IFT81: variants seen among roughly 807,000 people sequenced by gnomAD.
IFT81 encodes the protein intraflagellar transport 81, also known as intraflagellar transport protein 81 homolog.
Under a neutral mutation model 102.6 loss-of-function variants are expected in IFT81, and 72 were observed. The observed-to-expected ratio is 0.70, with a 90% CI of 0.58 to 0.85. The LOEUF is 0.85. IFT81 is among the 40% of genes least tolerant of loss of function. The pLI is 0.00. For synonymous variants in IFT81, 237 were observed against 242.7 expected (o/e 0.98, Z 0.22); for missense variants, 723 against 787.3 (o/e 0.92, Z 0.98).
At chr12:110,165,509 G>A (rs554243237) in intron 11 of IFT81, among the ~76,000 whole-genome samples, 1 of 152,094 alleles carries the variant, frequency 6.6e-6, no homozygotes, top group Non-Finnish European at 1.5e-5. Context: ...ATAATTAGTG[G>A]CATGGTGTTT....
chr12:110,189,148 C>T (rs1489175890), intron 12 of IFT81, among the ~76,000 whole-genome samples: 1 of 151,926 alleles, frequency 6.6e-6, no homozygotes, highest in Non-Finnish European at 1.5e-5. Context: ...TTGCTGATTT[C>T]TTATCATTTC....
intron 11 of IFT81, among the ~76,000 whole-genome samples, chr12:110,166,498 G>A (rs1404166525): frequency 1.3e-5 from 2 of 151,944 alleles, no homozygotes; most frequent in Non-Finnish European, 2.9e-5. Flanking sequence ...CCACAGAACT[G>A]TATACTTAAA....
rs565043301 is a variant in IFT81 at position 110,135,497 on chromosome 12, A to C, written c.696+60A>C. On this transcript the variant is annotated intron_variant, in intron 7 of 18. Coordinates refer to ENST00000242591, the MANE Select transcript of IFT81 (RefSeq NM_014055.4). ...GGAAATAGTTCCTTCTCATAATCCA[A>C]ATGTAAAGAAAAGAGTTTTAAAATT... 10 of 973,790 alleles carry C rather than the reference A, an allele frequency of 1.0e-5. No homozygotes were observed. The African/African-American group carries it at 1.5e-4, about 14-fold the overall frequency. 60.3% of individuals were successfully genotyped at this position (973,790 alleles called of 1,614,324 possible). A position where few individuals can be genotyped will look rare whatever the true frequency, so the allele number is the denominator to read the frequency against.
intron 14 of IFT81, among the ~76,000 whole-genome samples, chr12:110,200,080 G>A (rs915786376): frequency 1.3e-5 from 2 of 152,168 alleles, no homozygotes; most frequent in African/African-American, 4.8e-5. Context: ...TTTTGGTCCT[G>A]TTAATTTCTT....
At chr12:110,210,793 A>G (rs79711304) in intron 18 of IFT81, among the ~76,000 whole-genome samples, 3,201 of 152,132 alleles carry the variant, frequency 0.021, 139 homozygotes, top group African/African-American at 0.073. Context: ...TTTAACAATA[A>G]TTATGTTGTT....
At chr12:110,205,717 TATTTTCACCA>T in intron 17 of IFT81, 37 bp downstream of exon 17, 3 of 1,296,466 alleles carry the variant, frequency 2.3e-6, no homozygotes, top group Non-Finnish European at 3.2e-6. Flanking sequence ...AGATACTTAA[TATTTTCACCA>T]ATAAAAGTTT....
chr12:110,151,519 G>A (rs1241936178), intron 10 of IFT81, among the ~76,000 whole-genome samples: 1 of 151,846 alleles, frequency 6.6e-6, no homozygotes, highest in Non-Finnish European at 1.5e-5. Context: ...GTGGATATAT[G>A]GGATTTTAAA....
intron 9 of IFT81, among the ~76,000 whole-genome samples, chr12:110,145,613 T>A (rs1412883351): frequency 1.3e-5 from 2 of 151,468 alleles, no homozygotes; most frequent in Non-Finnish European, 2.9e-5. Flanking sequence ...ATTTTTGTAT[T>A]TTTAGTAGAG....
intron 11 of IFT81, among the ~76,000 whole-genome samples, chr12:110,174,300 A>T (rs553448232): frequency 0.025 from 3,597 of 146,446 alleles, 58 homozygotes; most frequent in African/African-American, 0.03. Context: ...AAAAAAAAAA[A>T]AAAAAAATTA....
intron 18 of IFT81, among the ~76,000 whole-genome samples, chr12:110,214,030 A>C (rs1238182888): frequency 6.6e-6 from 1 of 152,194 alleles, no homozygotes; most frequent in South Asian, 2.1e-4. Flanking sequence ...TATATCAAAG[A>C]AAATAAATAA....
chr12:110,174,914 G>A (rs1813712723), intron 11 of IFT81, among the ~76,000 whole-genome samples: 1 of 152,206 alleles, frequency 6.6e-6, no homozygotes, highest in Non-Finnish European at 1.5e-5. Flanking sequence ...CCAAATGCAC[G>A]CAGAGATAAA....
chr12:110,175,857 C>G (rs1897014269), intron 11 of IFT81, among the ~76,000 whole-genome samples: 1 of 151,988 alleles, frequency 6.6e-6, no homozygotes, highest in African/African-American at 2.4e-5. Context: ...CTCTGTTGCC[C>G]AGTATCTTCT....
At chr12:110,142,600 A>G (rs1015929792) in intron 8 of IFT81, among the ~76,000 whole-genome samples, 2 of 151,994 alleles carry the variant, frequency 1.3e-5, no homozygotes, top group Non-Finnish European at 2.9e-5. Flanking sequence ...GTACAGTGTA[A>G]TCCCAGAACT....
In IFT81 at chr12:110,162,922, TC is replaced by T; in HGVS notation, c.1046del (p.Ser349LeufsTer21). 2 of 1,610,038 alleles carry T rather than the reference TC, an allele frequency of 1.2e-6. No homozygotes were observed. The highest frequency in any genetic ancestry group is 1.1e-5 in the South Asian group (1 of 90,414). On this transcript the variant is annotated frameshift_variant, in exon 11 of 19. Transcript: ENST00000242591. LOFTEE classifies it high-confidence loss of function. ...GKLSLYRQQA[S>X]IISRKKEAKA... The stretch of plus-strand genomic sequence containing the variant: ...TTCATATTTAATGCTCAATCAGGCA[TC>T]TATCATTTCCCGTAAAAAAGAAGCC...
intron 18 of IFT81, among the ~76,000 whole-genome samples, chr12:110,210,917 C>T (rs59348554): frequency 1.3e-5 from 2 of 151,108 alleles, no homozygotes; most frequent in African/African-American, 4.9e-5. Flanking sequence ...TGCAGTGGCA[C>T]GATCTCGGCT....
At chr12:110,186,492 TCTTTC>T (rs1897535673) in intron 12 of IFT81, among the ~76,000 whole-genome samples, 1 of 151,162 alleles carries the variant, frequency 6.6e-6, no homozygotes, top group South Asian at 2.1e-4. Context: ...TTCCTTTCTT[TCTTTC>T]TTTTTTTATT....
intron 1 of IFT81, among the ~76,000 whole-genome samples, chr12:110,126,122 C>CA (rs1182589078): frequency 6.6e-6 from 1 of 151,984 alleles, no homozygotes; most frequent in Non-Finnish European, 1.5e-5. Flanking sequence ...ACTAAAAATA[C>CA]AAAAAATTAG....
intron 10 of IFT81, among the ~76,000 whole-genome samples, chr12:110,155,000 T>C (rs1017560101): frequency 3.3e-5 from 5 of 150,172 alleles, no homozygotes; most frequent in Non-Finnish European, 7.5e-5. Context: ...ATTATACAAT[T>C]GTCTTTTTCT....
intron 4 of IFT81, among the ~76,000 whole-genome samples, 181 bp from the exon 5 acceptor site, chr12:110,132,366 A>G (rs1227861116): frequency 1.3e-5 from 2 of 151,768 alleles, no homozygotes; most frequent in African/African-American, 2.4e-5. Context: ...AGGCTGACGC[A>G]GGAGAATCGC....
Sources: allele counts gnomAD v4.1 joint callset (sites outside exome capture counted in the v4.1 genomes callset), GRCh38; gene constraint gnomAD v4.1.1; transcripts MANE v1.5; gene names NCBI Gene and HGNC (gene_info 2026-07-23, HGNC 2026-07-21).